RNF122: variants seen among roughly 807,000 people sequenced by gnomAD.
The protein encoded by RNF122 is ring finger protein 122.
Under a neutral mutation model 24.2 loss-of-function variants are expected in RNF122, and 17 were observed. The ratio of observed to expected loss-of-function variants is 0.70; its 90% confidence interval spans 0.48 to 1.06. The LOEUF (loss-of-function observed/expected upper bound fraction) is 1.06, where lower values mean the gene tolerates loss of function less well. Among genes scored for constraint, RNF122 ranks in the 50% least tolerant of loss-of-function variants. The pLI, the probability that RNF122 is intolerant of heterozygous loss-of-function variation, is 0.00. For synonymous variants in RNF122, 65 were observed against 71.8 expected, an observed-to-expected ratio of 0.91 and a Z score of 0.48; for missense variants, 168 against 198.1, an observed-to-expected ratio of 0.85 and a Z score of 0.91.
intron 2 of RNF122, among the ~76,000 whole-genome samples, chr8:33,556,368 C>A (rs111838252): frequency 0.016 from 2,360 of 152,188 alleles, 30 homozygotes; most frequent in African/African-American, 0.034. Context: ...CCTGCCTTGA[C>A]CTCCCAAAGT....
intron 1 of RNF122, among the ~76,000 whole-genome samples, chr8:33,563,913 TG>T (rs1375627446): frequency 6.6e-6 from 1 of 152,192 alleles, no homozygotes; most frequent in African/African-American, 2.4e-5. Context: ...GCAAGTCCTC[TG>T]ATCAGTTTAT....
At chr8:33,563,110 A>G (rs1386891188) in intron 1 of RNF122, among the ~76,000 whole-genome samples, 5 of 106,922 alleles carry the variant, frequency 4.7e-5, no homozygotes, top group Non-Finnish European at 8.0e-5. Flanking sequence ...GAGACTCAAG[A>G]AAAAAAGAAA....
At chr8:33,562,535 T>A (rs1810553941) in intron 1 of RNF122, among the ~76,000 whole-genome samples, 2 of 97,632 alleles carry the variant, frequency 2.0e-5, no homozygotes, top group African/African-American at 5.7e-5. Flanking sequence ...TAAGACCTTG[T>A]CTCAAAAAAA....
chr8:33,552,548 T>A (rs964422696), intron 2 of RNF122, among the ~76,000 whole-genome samples: 10 of 152,220 alleles, frequency 6.6e-5, no homozygotes, highest in Non-Finnish European at 1.5e-4. Flanking sequence ...TACCATATAA[T>A]GTGGTCTGTT....
intron 1 of RNF122, among the ~76,000 whole-genome samples, chr8:33,566,237 A>AC (rs1810620613): frequency 6.6e-6 from 1 of 152,082 alleles, no homozygotes; most frequent in African/African-American, 2.4e-5. Flanking sequence ...AGAGGAAGCT[A>AC]CCCCCGCGCC....
intron 2 of RNF122, among the ~76,000 whole-genome samples, chr8:33,552,331 G>A (rs537241995): frequency 2.6e-5 from 4 of 152,200 alleles, no homozygotes; most frequent in East Asian, 3.9e-4. Flanking sequence ...CCCAGGAGAC[G>A]GAGGTTGCAG....
intron 2 of RNF122, among the ~76,000 whole-genome samples, chr8:33,557,472 A>G (rs1039731734): frequency 4.6e-5 from 7 of 152,054 alleles, no homozygotes; most frequent in Admixed American, 1.3e-4. Context: ...TCTACTAAAA[A>G]TACAAAAATA....
Position 33,551,043 on chromosome 8 carries a change from C to A in RNF122, c.270+1G>T. The A allele has an allele frequency of 6.2e-7, 1 of 1,613,998 alleles. No individual in the cohort carries two copies. The highest frequency in any genetic ancestry group is 8.5e-7 in the Non-Finnish European group (1 of 1,179,918). ...CCTGCACACTTTCCTGGCACACTTA[C>A]CCCATATAATTGTAACTTCTTGGCA... On this transcript the variant is annotated splice_donor_variant, in intron 4 of 5. Transcript: ENST00000256257. LOFTEE classifies it high-confidence loss of function.
chr8:33,549,540 A>C, intron 4 of RNF122, 48 bp from the exon 5 acceptor site: 8 of 1,396,596 alleles, frequency 5.7e-6, no homozygotes, highest in Non-Finnish European at 7.1e-6. Context: ...GAACCATCTC[A>C]CTCATTCAAC....
chr8:33,548,567 C>CAGGA lies in RNF122; in HGVS notation c.*182_*185dup. ...TAGCAGGGAAGAAGGCTTCAGGAGG[C>CAGGA]AGGAAGTGGGGGCACATCTGGCACT... On this transcript the variant is annotated 3_prime_UTR_variant, in exon 6 of 6. Coordinates refer to ENST00000256257, the MANE Select transcript of RNF122 (RefSeq NM_024787.3). 1 of 525,354 alleles carries CAGGA rather than the reference C, an allele frequency of 1.9e-6. No individual in the cohort carries two copies. 32.5% of individuals were successfully genotyped at this position (525,354 alleles called of 1,614,324 possible). A position where few individuals can be genotyped will look rare whatever the true frequency, so the allele number is the denominator to read the frequency against.
At chr8:33,561,822 A>G (rs1009731976) in intron 1 of RNF122, among the ~76,000 whole-genome samples, 1 of 152,128 alleles carries the variant, frequency 6.6e-6, no homozygotes, top group African/African-American at 2.4e-5. Flanking sequence ...CTGGGATTAC[A>G]GCGCATAAGC....
intron 2 of RNF122, among the ~76,000 whole-genome samples, chr8:33,554,399 G>A (rs1810419483): frequency 6.6e-6 from 1 of 152,160 alleles, no homozygotes; most frequent in South Asian, 2.1e-4. Flanking sequence ...GGCACCTAGA[G>A]TACCACTTCC....
chr8:33,550,219 C>A (rs988869305), intron 4 of RNF122, among the ~76,000 whole-genome samples: 2 of 152,216 alleles, frequency 1.3e-5, no homozygotes, highest in African/African-American at 4.8e-5. Flanking sequence ...AGGCATGAGC[C>A]ACCGCACCTG....
At chr8:33,553,158 C>T (rs570242922) in intron 2 of RNF122, among the ~76,000 whole-genome samples, 1 of 151,140 alleles carries the variant, frequency 6.6e-6, no homozygotes, top group South Asian at 2.1e-4. Context: ...CTTCTAAACA[C>T]AGTCCTGGGT....
At chr8:33,563,780 T>A (rs1306466062) in intron 1 of RNF122, among the ~76,000 whole-genome samples, 1 of 152,180 alleles carries the variant, frequency 6.6e-6, no homozygotes, top group Admixed American at 6.5e-5. Flanking sequence ...CCCGTTTCCT[T>A]AGTTCTTCCA....
intron 1 of RNF122, among the ~76,000 whole-genome samples, chr8:33,559,262 C>T (rs959717147): frequency 6.6e-6 from 1 of 151,826 alleles, no homozygotes; most frequent in Admixed American, 6.6e-5. Flanking sequence ...GCGGTGATTA[C>T]ACCACTGCAC....
intron 1 of RNF122, among the ~76,000 whole-genome samples, chr8:33,565,294 G>T (rs1424874081): frequency 1.3e-5 from 2 of 151,940 alleles, no homozygotes; most frequent in Non-Finnish European, 2.9e-5. Context: ...GGGATGTGGG[G>T]TATACATGCT....
chr8:33,551,240 G>A (rs139980686), intron 3 of RNF122, 104 bp downstream of exon 3: 24,981 of 1,508,274 alleles, frequency 0.017, 357 homozygotes, highest in South Asian at 0.054. Flanking sequence ...CCAGAGGTGA[G>A]GCCAGGGGGA....
intron 1 of RNF122, among the ~76,000 whole-genome samples, chr8:33,561,541 T>C (rs1225570016): frequency 1.3e-5 from 2 of 149,642 alleles, no homozygotes; most frequent in Non-Finnish European, 3.0e-5. Context: ...CTAGTTGCCT[T>C]TTTTTTTTTA....
Sources: allele counts gnomAD v4.1 joint callset (sites outside exome capture counted in the v4.1 genomes callset), GRCh38; gene constraint gnomAD v4.1.1; transcripts MANE v1.5; gene names NCBI Gene and HGNC (gene_info 2026-07-23, HGNC 2026-07-21).